Variants in PDP2 observed in about 807,000 individuals in gnomAD.
The protein encoded by PDP2 is pyruvate dehydrogenase phosphatase catalytic subunit 2.
In PDP2, 23 loss-of-function variants were observed where a neutral mutation model predicts 34.2. The ratio of observed to expected loss-of-function variants is 0.67; its 90% CI spans 0.48 to 0.95. The LOEUF (loss-of-function observed/expected upper bound fraction) is 0.95. Among genes scored for constraint, PDP2 ranks in the 40% least tolerant of loss-of-function variants. The pLI is 0.00. For missense variants in PDP2, 571 were observed against 659.6 expected, an observed-to-expected ratio of 0.87 and a Z score of 1.47; for synonymous variants, 275 against 269.2, an observed-to-expected ratio of 1.02 and a Z score of -0.21.
Position 66,884,362 on chromosome 16 carries a change from A to G in PDP2, c.78A>G (p.Leu26=). The change falls in exon 2 of 2, where the codon TTA becomes TTG. Residue 26 remains leucine, a synonymous_variant. Coordinates refer to ENST00000311765, the MANE Select transcript of PDP2 (RefSeq NM_020786.4). The part of the protein sequence containing the change: ...SIATLQGGRR[L]YSRYVSNRNK... Reference sequence around the variant, plus strand: ...CCACATTGCAAGGGGGTAGACGCTTATACTCCAGGTATGTCTCAAATAGGA... The same window carrying G: ...CCACATTGCAAGGGGGTAGACGCTTGTACTCCAGGTATGTCTCAAATAGGA... The G allele has an allele frequency of 6.2e-7, 1 of 1,614,016 alleles. No homozygotes were observed. The highest frequency in any genetic ancestry group is 8.5e-7 in the Non-Finnish European group (1 of 1,179,918).
chr16:66,885,567 TG>T lies in PDP2; in HGVS notation c.1287del (p.His430ThrfsTer45), dbSNP rs753693284. ...LSNEDVVRLV[V>X]GHLAEADWHK... ...AATGAGGACGTGGTAAGGCTGGTGG[TG>T]GGGCACCTGGCTGAGGCAGATTGGC... On this transcript the variant is annotated frameshift_variant, in exon 2 of 2. Coordinates refer to ENST00000311765, the MANE Select transcript of PDP2 (RefSeq NM_020786.4). LOFTEE classifies it high-confidence loss of function. This position sits in a 1 kb window ranked among gnomAD's most constrained non-coding sequence, Gnocchi z 4.6. The T allele has an allele frequency of 1.2e-6, 2 of 1,614,036 alleles. No homozygotes were observed. The highest frequency in any genetic ancestry group is 1.7e-5 in the Admixed American group (1 of 60,008).
intron 1 of PDP2, among the ~76,000 whole-genome samples, chr16:66,883,750 C>G: frequency 6.6e-6 from 1 of 152,022 alleles, no homozygotes; most frequent in East Asian, 1.9e-4. Context: ...GCCTGGCCCC[C>G]GAAGCAGATA....
rs1422042304 is a variant in PDP2 at position 66,886,521 on chromosome 16, T to C, written c.*647T>C. 6.4e-6 allele frequency: 3 copies of C among 468,918 alleles called. No homozygotes were observed. The highest frequency in any genetic ancestry group is 1.3e-5 in the Non-Finnish European group (3 of 225,410). The allele number at this position is 468,918 out of a possible 1,614,324, so 29.0% of individuals were successfully genotyped here. A position where few individuals can be genotyped will look rare whatever the true frequency, so the allele number is the denominator to read the frequency against. On this transcript the variant is annotated 3_prime_UTR_variant, in exon 2 of 2. Transcript: ENST00000311765. ...GCAAACACGCCTACTGTAAGCATGC[T>C]TGGAATGACTTGTTTTGGTTTTCAG...
Position 66,885,482 on chromosome 16 carries a change from C to G in PDP2, c.1198C>G (p.Leu400Val). 2 of 1,614,020 alleles carry G rather than the reference C, an allele frequency of 1.2e-6. No homozygotes were observed. Among genetic ancestry groups the G allele is most frequent in the Non-Finnish European group, 1.7e-6 (2 of 1,180,050 alleles). Residue 400 changes from leucine (L) to valine (V), a missense_variant, in exon 2 of 2, where the codon CTG (leucine) becomes GTG (valine). Physicochemically the swap from Leu to Val is conservative, Grantham distance 32 (BLOSUM62 1). This residue lies in a region of PDP2 where 281 missense variants were observed against 375.8 expected (regional missense o/e 0.75). Transcript: ENST00000311765. The surrounding 1 kb of genome is among the most constrained non-coding windows in gnomAD (Gnocchi z 4.6). ...TAEPEVTYHR[L>V]RPQDKFLVLA... ...TGAGCCTGAGGTCACATACCACAGGCTGAGGCCCCAGGATAAGTTCCTTGT... is the reference window on the plus strand; with the variant it reads ...TGAGCCTGAGGTCACATACCACAGGGTGAGGCCCCAGGATAAGTTCCTTGT...
rs1174648591 is a variant in PDP2, at chr16:66,885,805, G to C, written c.1521G>C (p.Arg507Ser). The C allele has an allele frequency of 6.2e-7, 1 of 1,612,480 alleles. No homozygotes were observed. Among genetic ancestry groups the C allele is most frequent in the Admixed American group, 1.7e-5 (1 of 60,016 alleles). Residue 507 changes from arginine to serine, a missense_variant, in exon 2 of 2, where the codon AGG becomes AGC. Physicochemically the swap from Arg to Ser is moderately radical, Grantham distance 110. Transcript: ENST00000311765. This position sits in a 1 kb window ranked among gnomAD's most constrained non-coding sequence, Gnocchi z 4.6. ...CAGAGGACTTGGCGAGGATGTACAG[G>C]GATGATATCACTGTCACTGTGGTGT... ...TLPEDLARMYRDDITVTVVYF... is the reference protein window; with the variant it reads ...TLPEDLARMYSDDITVTVVYF...
In PDP2 at chr16:66,885,426, C is replaced by G. The variant is rs1309574253; in HGVS notation, c.1142C>G (p.Pro381Arg). Residue 381 changes from proline (P) to arginine (R), a missense_variant, in exon 2 of 2, where the codon CCA (proline) becomes CGA (arginine). Coordinates refer to ENST00000311765, the MANE Select transcript of PDP2 (RefSeq NM_020786.4). This position sits in a 1 kb window ranked among gnomAD's most constrained non-coding sequence, Gnocchi z 4.6. ...EALNIYQFTP[P>R]HYYTPPYLTA... The stretch of plus-strand genomic sequence containing the variant: ...CTCAACATTTACCAGTTCACACCCC[C>G]ACACTACTACACTCCACCCTACCTG... 1.2e-6 allele frequency: 2 copies of G among 1,613,718 alleles called. No individual in the cohort carries two copies. The highest frequency in any genetic ancestry group is 1.3e-5 in the African/African-American group (1 of 74,908).
At position 66,885,868 on chromosome 16, in the gene PDP2, G is replaced by T; in HGVS notation, c.1584G>T (p.Gly528=). The T allele has an allele frequency of 6.3e-7, 1 of 1,594,466 alleles. No individual in the cohort carries two copies. ...AATCAATCGGTGCATATTACAAGGG[G>T]GGTTAAGAATCTCCCATCCTATTGT... ...NSESIGAYYK[G]G is the part of the protein sequence containing the mutation. The change falls in exon 2 of 2, where the codon GGG becomes GGT. Residue 528 remains glycine (G), a synonymous_variant. Transcript: ENST00000311765. This position sits in a 1 kb window ranked among gnomAD's most constrained non-coding sequence, Gnocchi z 4.6.
In PDP2 at chr16:66,884,673, T is replaced by A. The variant is rs770003852; in HGVS notation, c.389T>A (p.Leu130Gln). 17 of 1,614,110 alleles carry A rather than the reference T, an allele frequency of 1.1e-5. No homozygotes were observed. The South Asian group carries it at 1.9e-4, about 18-fold the overall frequency. ...GACCGGCGAGGTGTAGCCTCCTGCCTGCAAACCAATGGACTGATGTTTGGC... is the reference window on the plus strand; with the variant it reads ...GACCGGCGAGGTGTAGCCTCCTGCCAGCAAACCAATGGACTGATGTTTGGC... ...VEDRRGVASC[L>Q]QTNGLMFGIF... Residue 130 changes from leucine (L) to glutamine (Q), a missense_variant, in exon 2 of 2, where the codon CTG becomes CAG. By Grantham distance (113) the Leu-to-Gln change is moderately radical. Transcript: ENST00000311765.
Position 66,885,328 on chromosome 16 carries a change from T to G in PDP2, c.1044T>G (p.Phe348Leu). ...GCGTCCTCATCCCCTGCAGGGCCTT[T>G]GGGGATGTTCAGCTGAAGTGGAGTA... ...LLGVLIPCRAFGDVQLKWSKE... is the reference protein window; with the variant it reads ...LLGVLIPCRALGDVQLKWSKE... The change falls in exon 2 of 2, where the codon TTT becomes TTG. Residue 348 changes from phenylalanine (F) to leucine (L), a missense_variant. Physicochemically the swap from Phe to Leu is conservative, Grantham distance 22 (BLOSUM62 0). Coordinates refer to ENST00000311765, the MANE Select transcript of PDP2 (RefSeq NM_020786.4). This position sits in a 1 kb window ranked among gnomAD's most constrained non-coding sequence, Gnocchi z 4.6. The G allele has an allele frequency of 6.2e-7, 1 of 1,614,004 alleles. No individual in the cohort carries two copies. Among genetic ancestry groups the G allele is most frequent in the Non-Finnish European group, 8.5e-7 (1 of 1,179,916 alleles).
chr16:66,882,435 A>AAAAAC (rs1961562362), intron 1 of PDP2, among the ~76,000 whole-genome samples: 1 of 151,068 alleles, frequency 6.6e-6, no homozygotes, highest in South Asian at 2.1e-4. Context: ...GCTCCATCTC[A>AAAAAC]AAAACAAAAC....
chr16:66,883,886 A>T (rs1297301232), intron 1 of PDP2, among the ~76,000 whole-genome samples: 1 of 151,926 alleles, frequency 6.6e-6, no homozygotes, highest in African/African-American at 2.4e-5. Context: ...TAAGAAATTA[A>T]ATTTGTGGCT....
chr16:66,886,753 C>T lies in PDP2; in HGVS notation c.*879C>T, dbSNP rs1343869201. The T allele has an allele frequency of 4.3e-6, 1 of 230,622 alleles. No individual in the cohort carries two copies. Among genetic ancestry groups the T allele is most frequent in the East Asian group, 9.2e-5 (1 of 10,906 alleles). The allele number at this position is 230,622 out of a possible 1,614,324, so 14.3% of individuals were successfully genotyped here. A position where few individuals can be genotyped will look rare whatever the true frequency, so the allele number is the denominator to read the frequency against. ...CAGCATTTAAGCTTTCTGATTATAC[C>T]TCTCAAACATTCTTCTGTCAATTCC... is the stretch of plus-strand genomic sequence containing the variant. On this transcript the variant is annotated 3_prime_UTR_variant, in exon 2 of 2. Transcript: ENST00000311765.
In PDP2 at chr16:66,884,512, A is replaced by G. The variant is rs774426818; in HGVS notation, c.228A>G (p.Gln76=). 4 of 1,614,046 alleles carry G rather than the reference A, an allele frequency of 2.5e-6. No homozygotes were observed. The highest frequency in any genetic ancestry group is 2.2e-5 in the East Asian group (1 of 44,896). The change falls in exon 2 of 2, where the codon CAA becomes CAG. Residue 76 remains glutamine (Q), a synonymous_variant. Coordinates refer to ENST00000311765, the MANE Select transcript of PDP2 (RefSeq NM_020786.4). ...CAGAGGAAGATGATTTTCACTTGCA[A>G]CTCAGCCCTGAGCAGATAAATGAAG... is the stretch of plus-strand genomic sequence containing the variant. ...TSTEEDDFHL[Q]LSPEQINEVL...
chr16:66,881,140 GT>G (rs1395387258), intron 1 of PDP2, among the ~76,000 whole-genome samples: 1 of 152,196 alleles, frequency 6.6e-6, no homozygotes, highest in Non-Finnish European at 1.5e-5. Context: ...GGACCTGTCT[GT>G]TTTCTTTAAG....
At position 66,888,615 on chromosome 16, in the gene PDP2, C is replaced by T. The variant is rs1961884246; in HGVS notation, c.*2741C>T. 1 of 152,134 alleles carries T rather than the reference C, an allele frequency of 6.6e-6. No homozygotes were observed. Among genetic ancestry groups the T allele is most frequent in the Non-Finnish European group, 1.5e-5 (1 of 68,036 alleles). The allele number at this position is 152,134 out of a possible 1,614,324, so 9.4% of individuals were successfully genotyped here. On this transcript the variant is annotated 3_prime_UTR_variant, in exon 2 of 2. Coordinates refer to ENST00000311765, the MANE Select transcript of PDP2 (RefSeq NM_020786.4). ...GTCTACAGGCATGAACCATCAGGCC[C>T]AGATAATTAAAAAAACTTTTTTTGG...
rs372068584 is a variant in PDP2 at position 66,884,685 on chromosome 16, G to T, written c.401G>T (p.Gly134Val). The T allele has an allele frequency of 3.1e-5, 50 of 1,614,112 alleles. 1 individual carries two copies. The South Asian group carries it at 5.2e-4, about 17-fold the overall frequency. The change falls in exon 2 of 2, where the codon GGA becomes GTA. Residue 134 changes from glycine (G) to valine (V), a missense_variant. Physicochemically the swap from Gly to Val is moderately radical, Grantham distance 109. This residue lies in a region of PDP2 where 290 missense variants were observed against 283.8 expected (regional missense o/e 1.02). Transcript: ENST00000311765. Reference sequence around the variant, plus strand: ...GTAGCCTCCTGCCTGCAAACCAATGGACTGATGTTTGGCATCTTCGATGGA... The same window carrying T: ...GTAGCCTCCTGCCTGCAAACCAATGTACTGATGTTTGGCATCTTCGATGGA... ...RGVASCLQTN[G>V]LMFGIFDGHG...
At position 66,882,043 on chromosome 16, in the gene PDP2, G is replaced by A. The variant is rs752963009; in HGVS notation, c.-55+1403G>A. 3.4e-4 allele frequency among the ~76,000 whole-genome samples: 52 copies of A among 152,134 alleles called. 1 individual carries two copies. The highest frequency in any genetic ancestry group is 1.8e-4 in the Non-Finnish European group (12 of 68,022). ...AGAAACAACCTCTAAATTTCCAGCC[G>A]TAAAGAATAGTTAAGTAAGTTGTGA... On this transcript the variant is annotated intron_variant, in intron 1 of 1. Coordinates refer to ENST00000311765, the MANE Select transcript of PDP2 (RefSeq NM_020786.4).
intron 1 of PDP2, among the ~76,000 whole-genome samples, chr16:66,881,432 A>T (rs1236809238): frequency 9.8e-5 from 11 of 111,860 alleles, no homozygotes; most frequent in Admixed American, 1.7e-4. Context: ...TTTTTTTTTT[A>T]ATTTAATTTA....
Position 66,884,587 on chromosome 16 carries a change from A to T in PDP2, c.303A>T (p.Arg101Ser). ...TTHKILDLES[R>S]VPNSVLRFES... Reference sequence around the variant, plus strand: ...ACAAGATTCTTGACCTTGAAAGCAGAGTCCCAAATTCAGTGTTGCGGTTTG... The same window carrying T: ...ACAAGATTCTTGACCTTGAAAGCAGTGTCCCAAATTCAGTGTTGCGGTTTG... The change falls in exon 2 of 2, where the codon AGA becomes AGT. Residue 101 changes from arginine (R) to serine (S), a missense_variant. By Grantham distance (110) the Arg-to-Ser change is moderately radical (BLOSUM62 -1). This residue lies in a region of PDP2 where 290 missense variants were observed against 283.8 expected (regional missense o/e 1.02). Transcript: ENST00000311765. The T allele has an allele frequency of 2.5e-6, 4 of 1,614,258 alleles. No homozygotes were observed. The highest frequency in any genetic ancestry group is 3.4e-6 in the Non-Finnish European group (4 of 1,180,034).
Sources: gnomAD v4.1 joint callset for allele counts (sites outside exome capture counted in the v4.1 genomes callset) on GRCh38, gnomAD v4.1.1 for gene constraint, gnomAD v4.1.1 regional missense constraint, Gnocchi (gnomAD v3.1) non-coding constraint, MANE v1.5 for transcripts, NCBI Gene and HGNC (gene_info 2026-07-23, HGNC 2026-07-21) for gene names.